Variants in SPINT2 observed in about 807,000 individuals in gnomAD.
SPINT2 encodes the protein kunitz-type protease inhibitor 2.
In SPINT2, 18 loss-of-function variants were observed where a neutral mutation model predicts 30.1. That is an observed-to-expected ratio of 0.60 (90% CI 0.41 to 0.89). The LOEUF (loss-of-function observed/expected upper bound fraction) is 0.89, where lower values mean the gene tolerates loss of function less well. SPINT2 is among the 40% of genes least tolerant of loss of function. SPINT2 has a pLI of 0.00. For synonymous variants in SPINT2, 139 were observed against 137.9 expected, an observed-to-expected ratio of 1.01 and a Z score of -0.05; for missense variants, 276 against 334.3, an observed-to-expected ratio of 0.83 and a Z score of 1.36.
chr19:38,268,418 T>A (rs921605706), intron 1 of SPINT2, among the ~76,000 whole-genome samples: 1 of 152,216 alleles, frequency 6.6e-6, no homozygotes, highest in Non-Finnish European at 1.5e-5. Context: ...ATGTGACTTG[T>A]ACTTTTTCCA....
chr19:38,283,557 C>T, intron 1 of SPINT2, 70 bp from the exon 2 acceptor site: 1 of 1,593,804 alleles, frequency 6.3e-7, no homozygotes, highest in Non-Finnish European at 8.6e-7. Context: ...GATCCATGTA[C>T]AGGTCTGTGC....
At chr19:38,268,768 T>C (rs552724341) in intron 1 of SPINT2, among the ~76,000 whole-genome samples, 1,460 of 128,940 alleles carry the variant, frequency 0.011, 19 homozygotes, top group Admixed American at 0.044. Flanking sequence ...CGCGCGCGCG[T>C]GTGTGTGTGT....
intron 1 of SPINT2, among the ~76,000 whole-genome samples, chr19:38,267,071 G>A (rs932409885): frequency 7.9e-5 from 12 of 152,142 alleles, no homozygotes; most frequent in Admixed American, 1.3e-4. Flanking sequence ...GAGGTCACTC[G>A]GTAGTAGTAA....
At chr19:38,287,345 C>T (rs902734678) in intron 2 of SPINT2, among the ~76,000 whole-genome samples, 18 of 152,330 alleles carry the variant, frequency 1.2e-4, no homozygotes, top group African/African-American at 1.9e-4. Flanking sequence ...ACTACAGGCG[C>T]GTGCCACCAC....
rs1600354687 is a variant in SPINT2 at position 38,292,122 on chromosome 19, G to A, written c.*116G>A. On this transcript the variant is annotated 3_prime_UTR_variant, in exon 7 of 7. Transcript: ENST00000301244. ...ATTAGGGCTGAGGTCTGTTTCTCTG[G>A]GAGGTAGGACGGCTGCTTCCTGGTC... is the stretch of plus-strand genomic sequence containing the variant. The A allele has an allele frequency of 2.1e-6, 3 of 1,441,576 alleles. No homozygotes were observed. The South Asian group carries it at 3.7e-5, about 18-fold the overall frequency. 89.3% of individuals were successfully genotyped at this position (1,441,576 alleles called of 1,614,324 possible).
At chr19:38,269,674 G>A (rs570278104) in intron 1 of SPINT2, among the ~76,000 whole-genome samples, 1 of 147,514 alleles carries the variant, frequency 6.8e-6, no homozygotes, top group African/African-American at 2.5e-5. Flanking sequence ...GCAGTGGCGC[G>A]TTCTCGGCTC....
At chr19:38,278,773 G>T (rs1410658717) in intron 1 of SPINT2, among the ~76,000 whole-genome samples, 1 of 152,208 alleles carries the variant, frequency 6.6e-6, no homozygotes, top group Admixed American at 6.5e-5. Flanking sequence ...CTGTACTCCA[G>T]CCTGGGTGAC....
At position 38,292,067 on chromosome 19, in the gene SPINT2, A is replaced by C. The variant is rs1355888549; in HGVS notation, c.*61A>C. On this transcript the variant is annotated 3_prime_UTR_variant, in exon 7 of 7. Transcript: ENST00000301244. Reference sequence around the variant, plus strand: ...GAGACTATGTGTGAGCTTTTTTTAAATAGAGGGATTGACTCGGATTTGAGT... The same window carrying C: ...GAGACTATGTGTGAGCTTTTTTTAACTAGAGGGATTGACTCGGATTTGAGT... 2.6e-5 allele frequency: 42 copies of C among 1,591,948 alleles called. No homozygotes were observed. Among genetic ancestry groups the C allele is most frequent in the Non-Finnish European group, 1.3e-5 (15 of 1,168,932 alleles).
intron 2 of SPINT2, among the ~76,000 whole-genome samples, chr19:38,286,847 C>G (rs1230249168): frequency 6.6e-6 from 1 of 152,110 alleles, no homozygotes; most frequent in Non-Finnish European, 1.5e-5. Flanking sequence ...TTTTTCTCCC[C>G]CCAAAGAGAT....
intron 1 of SPINT2, among the ~76,000 whole-genome samples, chr19:38,269,706 G>A (rs1311555322): frequency 6.6e-6 from 1 of 151,464 alleles, no homozygotes; most frequent in Non-Finnish European, 1.5e-5. Context: ...CGCCTCCTGG[G>A]TTCACACCAT....
At chr19:38,265,965 G>C (rs2146263324) in intron 1 of SPINT2, among the ~76,000 whole-genome samples, 1 of 152,324 alleles carries the variant, frequency 6.6e-6, no homozygotes, top group East Asian at 1.9e-4. Flanking sequence ...AATGAACCAG[G>C]TGAAGTACAC....
At chr19:38,265,143 G>A in intron 1 of SPINT2, 145 bp downstream of exon 1, 1 of 726,716 alleles carries the variant, frequency 1.4e-6, no homozygotes, top group Admixed American at 2.8e-5. Flanking sequence ...ACCAGCCCTG[G>A]AGGATTGAGC....
At chr19:38,265,807 T>G (rs1164694779) in intron 1 of SPINT2, among the ~76,000 whole-genome samples, 1 of 152,236 alleles carries the variant, frequency 6.6e-6, no homozygotes, top group Non-Finnish European at 1.5e-5. Flanking sequence ...ACTGAGGCCC[T>G]GCTACGTGTC....
chr19:38,276,540 G>T (rs1968520486), intron 1 of SPINT2, among the ~76,000 whole-genome samples: 1 of 151,986 alleles, frequency 6.6e-6, no homozygotes, highest in Non-Finnish European at 1.5e-5. Context: ...TACTCGGGAG[G>T]CTGAGGCAGG....
chr19:38,286,196 C>A (rs1242732840), intron 2 of SPINT2, among the ~76,000 whole-genome samples: 2 of 152,140 alleles, frequency 1.3e-5, no homozygotes, highest in African/African-American at 4.8e-5. Flanking sequence ...GGCAGGCAGG[C>A]TCTGTGGGAA....
chr19:38,290,562 C>T lies in SPINT2; in HGVS notation c.579C>T (p.Pro193=). 4.3e-6 allele frequency: 7 copies of T among 1,614,068 alleles called. No individual in the cohort carries two copies. Among genetic ancestry groups the T allele is most frequent in the Non-Finnish European group, 5.1e-6 (6 of 1,180,002 alleles). ...GCCAGCAGGAGAATCCTCCCCTGCC[C>T]CTTGGCTCAAAGGGTAAGTGGCCCC... ...CFRQQENPPL[P]LGSKVVVLAG... The change falls in exon 6 of 7, where the codon CCC becomes CCT. Residue 193 remains proline (P), a synonymous_variant. Transcript: ENST00000301244. This position sits in a 1 kb window ranked among gnomAD's most constrained non-coding sequence, Gnocchi z 4.3.
chr19:38,267,293 T>C lies in SPINT2; in HGVS notation c.106+2295T>C, dbSNP rs148255966. Among the ~76,000 whole-genome samples, 137 of 152,286 alleles carry C rather than the reference T, an allele frequency of 9.0e-4. 2 individuals carry two copies. In the East Asian group the frequency reaches 0.024, roughly 26 times the overall value. On this transcript the variant is annotated intron_variant, in intron 1 of 6. Coordinates refer to ENST00000301244, the MANE Select transcript of SPINT2 (RefSeq NM_021102.4). ...TTTTGACTTTTTTTTCCTCGCTCCT[T>C]CCTGATTGCTTCTGTTTTCTCCGGA... is the stretch of plus-strand genomic sequence containing the variant.
intron 1 of SPINT2, among the ~76,000 whole-genome samples, chr19:38,266,986 G>A (rs1207556282): frequency 6.6e-6 from 1 of 152,198 alleles, no homozygotes; most frequent in Non-Finnish European, 1.5e-5. Context: ...TACCTCTGGT[G>A]CTTACTCTGA....
chr19:38,291,651 G>T, intron 6 of SPINT2, 189 bp from the exon 7 acceptor site: 1 of 665,086 alleles, frequency 1.5e-6, no homozygotes, highest in Non-Finnish European at 2.5e-6. Flanking sequence ...TTTTTTGGGG[G>T]ACTCTCCTTG....
Sources: gnomAD v4.1 joint callset for allele counts (sites outside exome capture counted in the v4.1 genomes callset) on GRCh38, gnomAD v4.1.1 for gene constraint, Gnocchi (gnomAD v3.1) non-coding constraint, MANE v1.5 for transcripts, NCBI Gene and HGNC (gene_info 2026-07-23, HGNC 2026-07-21) for gene names.